Variants in WIPF1 observed in about 807,000 individuals in gnomAD.
The protein encoded by WIPF1 is WAS/WASL interacting protein family member 1, also known as WAS/WASL-interacting protein family member 1.
WIPF1 carries 13 observed loss-of-function variants against 35.4 expected under a neutral mutation model. The ratio of observed to expected loss-of-function variants is 0.37; its 90% CI spans 0.24 to 0.58. WIPF1 has a LOEUF of 0.58. Among genes scored for constraint, WIPF1 ranks in the 20% least tolerant of loss-of-function variants. The pLI is 0.74. For synonymous variants in WIPF1, 267 were observed against 266.3 expected (o/e 1.00, Z -0.02); for missense variants, 591 against 667.0 (o/e 0.89, Z 1.25).
intron 1 of WIPF1, among the ~76,000 whole-genome samples, chr2:174,662,061 G>A (rs1285039787): frequency 6.6e-6 from 1 of 152,216 alleles, no homozygotes; most frequent in Non-Finnish European, 1.5e-5. Context: ...CCATACATAT[G>A]TGGGGTTGGT....
chr2:174,628,188 G>C (rs1686908455), intron 1 of WIPF1, among the ~76,000 whole-genome samples: 1 of 152,148 alleles, frequency 6.6e-6, no homozygotes, highest in Non-Finnish European at 1.5e-5. Flanking sequence ...CATGTCCATT[G>C]TCCAGAATAT....
rs373727960 is a variant in WIPF1, at chr2:174,591,704, A to ACACACACC, written c.-39+5896_-39+5897insGGTGTGTG. Among the ~76,000 whole-genome samples, 29 of 150,208 alleles carry ACACACACC rather than the reference A, an allele frequency of 1.9e-4. 1 individual carries two copies. Among genetic ancestry groups the ACACACACC allele is most frequent in the African/African-American group, 6.4e-4 (26 of 40,666 alleles). ...CACACACACACACACACACACACACACCACCCCAACATTTAGAAATTCTGG... is the reference window on the plus strand; with the variant it reads ...CACACACACACACACACACACACACACACACACCCCACCCCAACATTTAGAAATTCTGG... On this transcript the variant is annotated intron_variant, in intron 1 of 7. Coordinates refer to ENST00000679041, the MANE Select transcript of WIPF1 (RefSeq NM_001375834.1).
intron 1 of WIPF1, among the ~76,000 whole-genome samples, chr2:174,588,226 G>A (rs143789331): frequency 2.2e-4 from 34 of 152,334 alleles, no homozygotes; most frequent in African/African-American, 7.2e-4. Flanking sequence ...TGGTCTGCCC[G>A]GTGGGCCCAA....
upstream of WIPF1, among the ~76,000 whole-genome samples, chr2:174,601,657 G>C (rs772718659): frequency 5.3e-5 from 8 of 152,238 alleles, no homozygotes; most frequent in Non-Finnish European, 1.2e-4. Context: ...AGTGCTGTCT[G>C]GCCTTCCGCA....
At chr2:174,618,871 G>C (rs555585208) in intron 1 of WIPF1, among the ~76,000 whole-genome samples, 3 of 152,084 alleles carry the variant, frequency 2.0e-5, no homozygotes, top group Admixed American at 6.6e-5. Flanking sequence ...GCCCTACAGA[G>C]GGTCTTTTAC....
At chr2:174,581,495 T>C in intron 2 of WIPF1, 56 bp from the exon 3 acceptor site, 8 of 1,590,926 alleles carry the variant, frequency 5.0e-6, no homozygotes, top group Non-Finnish European at 6.8e-6. Flanking sequence ...TCATGCATTG[T>C]AACACTCGGC....
intron 1 of WIPF1, among the ~76,000 whole-genome samples, chr2:174,656,631 A>C (rs1253163853): frequency 2.0e-5 from 3 of 152,234 alleles, no homozygotes; most frequent in Admixed American, 6.5e-5. Context: ...AGTCCAACCA[A>C]GGAGGGGATG....
In WIPF1 at chr2:174,567,947, G is replaced by A. The variant is rs1206068879; in HGVS notation, c.1256C>T (p.Pro419Leu). 1.4e-5 allele frequency: 22 copies of A among 1,614,186 alleles called. No homozygotes were observed. Among genetic ancestry groups the A allele is most frequent in the Non-Finnish European group, 1.9e-5 (22 of 1,180,028 alleles). The change falls in exon 6 of 8, where the codon CCT becomes CTT. Residue 419 changes from proline to leucine, a missense_variant. Physicochemically the swap from Pro to Leu is moderately conservative, Grantham distance 98 (BLOSUM62 -3). Around this residue, in one of 3 missense-constraint regions of WIPF1, gnomAD observed 117 missense variants for 149.6 expected, o/e 0.78. Transcript: ENST00000679041. ...TGCCCCAGCACTGGGCCTATCAGGA[G>A]GAAGGGGAGGCCTGGGTCCACTCCT... ...SPRSGPRPPL[P>L]PDRPSAGAPP...
At chr2:174,570,875 A>G (rs1342064707) in intron 5 of WIPF1, among the ~76,000 whole-genome samples, 1 of 152,218 alleles carries the variant, frequency 6.6e-6, no homozygotes, top group Admixed American at 6.5e-5. Flanking sequence ...ACCACTATAA[A>G]ACGCATCAAG....
intron 1 of WIPF1, among the ~76,000 whole-genome samples, chr2:174,666,716 GCACAT>G (rs1687899632): frequency 6.6e-6 from 1 of 152,256 alleles, no homozygotes; most frequent in African/African-American, 2.4e-5. Flanking sequence ...GCAATAGCCT[GCACAT>G]GCCCAGGGGC....
rs1685239191 is a variant in WIPF1 at position 174,581,456 on chromosome 2, C to A, written c.52-17G>T. ...TGTATTGGCCTGAAAGGGAGCCATA[C>A]AAACAAGTAGTCATCTCTTGGGTTA... On this transcript the variant is annotated splice_polypyrimidine_tract_variant and intron_variant, in intron 2 of 7. Transcript: ENST00000679041. 1 of 1,612,352 alleles carries A rather than the reference C, an allele frequency of 6.2e-7. No homozygotes were observed. The highest frequency in any genetic ancestry group is 8.5e-7 in the Non-Finnish European group (1 of 1,179,396).
At chr2:174,606,072 G>T (rs1400461065) in intron 1 of WIPF1, among the ~76,000 whole-genome samples, 1 of 151,998 alleles carries the variant, frequency 6.6e-6, no homozygotes, top group East Asian at 1.9e-4. Flanking sequence ...TCCCAGAAAA[G>T]GAGTAAACTC....
At chr2:174,595,340 A>C (rs1685787704) in intron 1 of WIPF1, among the ~76,000 whole-genome samples, 1 of 150,414 alleles carries the variant, frequency 6.6e-6, no homozygotes, top group African/African-American at 2.4e-5. Flanking sequence ...CAGAAATCAT[A>C]CAATTTATAA....
intron 1 of WIPF1, among the ~76,000 whole-genome samples, chr2:174,614,512 G>GA (rs955754053): frequency 3.5e-4 from 53 of 150,962 alleles, no homozygotes; most frequent in African/African-American, 6.1e-4. Context: ...ACGTAAGTGA[G>GA]AAAAAAAAAC....
intron 1 of WIPF1, among the ~76,000 whole-genome samples, chr2:174,618,720 A>G (rs1361923339): frequency 2.6e-5 from 4 of 152,186 alleles, no homozygotes. Flanking sequence ...CACAGAGCTT[A>G]TAAGTGGCAG....
chr2:174,636,325 G>C (rs943508435), intron 1 of WIPF1, among the ~76,000 whole-genome samples: 2 of 151,840 alleles, frequency 1.3e-5, no homozygotes, highest in African/African-American at 4.8e-5. Context: ...TCCCTAACCT[G>C]GCTTTCTGTC....
At chr2:174,651,476 T>A (rs190088051) in intron 1 of WIPF1, among the ~76,000 whole-genome samples, 3 of 152,226 alleles carry the variant, frequency 2.0e-5, no homozygotes, top group Non-Finnish European at 4.4e-5. Flanking sequence ...AAATACACTA[T>A]AAAATTGCAG....
At chr2:174,618,277 C>A (rs934715983) in intron 1 of WIPF1, among the ~76,000 whole-genome samples, 1 of 152,180 alleles carries the variant, frequency 6.6e-6, no homozygotes, top group African/African-American at 2.4e-5. Context: ...CTGAAAAGCT[C>A]GGCACAGACA....
At chr2:174,597,576 T>A (rs1301081555) in intron 1 of WIPF1, 25 bp downstream of exon 1, 1 of 152,600 alleles carries the variant, frequency 6.6e-6, no homozygotes, top group Non-Finnish European at 1.5e-5. Flanking sequence ...TGAAATAAAC[T>A]TAGTTTGAAT....
Sources: gnomAD v4.1 joint callset for allele counts (sites outside exome capture counted in the v4.1 genomes callset) on GRCh38, gnomAD v4.1.1 for gene constraint, gnomAD v4.1.1 regional missense constraint, MANE v1.5 for transcripts, NCBI Gene and HGNC (gene_info 2026-07-23, HGNC 2026-07-21) for gene names.